Variants in SIPA1L1 observed in about 807,000 individuals in gnomAD.
SIPA1L1 encodes the protein signal induced proliferation associated 1 like 1.
A neutral mutation model predicts 162.7 loss-of-function variants in SIPA1L1; 26 were observed. The observed-to-expected ratio is 0.16, with a 90% CI of 0.12 to 0.22. SIPA1L1 has a LOEUF of 0.22. Ranked by LOEUF, SIPA1L1 falls within the 10% of genes least tolerant of loss-of-function variation. SIPA1L1 has a pLI of 1.00. For synonymous variants in SIPA1L1, 829 were observed against 837.4 expected (o/e 0.99, Z 0.17); for missense variants, 1,874 against 2,241.0 (o/e 0.84, Z 3.31).
chr14:71,644,553 T>G (rs1205262790), intron 7 of SIPA1L1, among the ~76,000 whole-genome samples: 1 of 152,252 alleles, frequency 6.6e-6, no homozygotes, highest in Non-Finnish European at 1.5e-5. Flanking sequence ...GAATCTTTTA[T>G]TCATGCATGA....
chr14:71,371,689 C>T (rs772608215), intron 2 of SIPA1L1, among the ~76,000 whole-genome samples: 3 of 152,082 alleles, frequency 2.0e-5, no homozygotes, highest in South Asian at 4.1e-4. Flanking sequence ...CCTGCAACAC[C>T]GTGCCTGGCC....
intron 2 of SIPA1L1, among the ~76,000 whole-genome samples, chr14:71,449,719 G>A (rs887563633): frequency 3.3e-5 from 5 of 152,216 alleles, no homozygotes; most frequent in African/African-American, 1.2e-4. Context: ...TTGGAGGTGA[G>A]GTGGGGGGAC....
intron 15 of SIPA1L1, chr14:71,704,715 G>C: frequency 6.2e-7 from 1 of 1,609,774 alleles, no homozygotes; most frequent in Non-Finnish European, 8.5e-7. Flanking sequence ...TTTCTGTTGT[G>C]CTCAGCTTAC....
At chr14:71,587,415 T>C (rs991908097) in intron 4 of SIPA1L1, among the ~76,000 whole-genome samples, 156 bp from the exon 5 acceptor site, 1 of 152,182 alleles carries the variant, frequency 6.6e-6, no homozygotes, top group African/African-American at 2.4e-5. Flanking sequence ...CTTTCTTCCT[T>C]TCTTTCAAAC....
intron 4 of SIPA1L1, among the ~76,000 whole-genome samples, chr14:71,552,095 T>C (rs377192458): frequency 2.6e-5 from 4 of 152,196 alleles, no homozygotes; most frequent in African/African-American, 9.6e-5. Context: ...ATGGCTTTGA[T>C]TGCTGTACCC....
Position 71,419,046 on chromosome 14 carries a change from G to A in SIPA1L1, c.-464-93697G>A, listed in dbSNP as rs117005796. ...AGTGGTATGGGTGGGCAGCCCTTCCGCCTGATATCAGCCTCTCAGAGCAGG... is the reference window on the plus strand; with the variant it reads ...AGTGGTATGGGTGGGCAGCCCTTCCACCTGATATCAGCCTCTCAGAGCAGG... On this transcript the variant is annotated intron_variant, in intron 2 of 23. Transcript: ENST00000381232. Among the ~76,000 whole-genome samples, 441 of 152,250 alleles carry A rather than the reference G, an allele frequency of 2.9e-3. 1 individual carries two copies. The highest frequency in any genetic ancestry group is 4.6e-3 in the African/African-American group (191 of 41,554).
Position 71,588,136 on chromosome 14 carries a change from A to G in SIPA1L1, c.264A>G (p.Glu88=), listed in dbSNP as rs1204226398. Residue 88 remains glutamate (E), a synonymous_variant, in exon 5 of 24, where the codon GAA becomes GAG. Transcript: ENST00000381232. This position sits in a 1 kb window ranked among gnomAD's most constrained non-coding sequence, Gnocchi z 4.3. The part of the protein sequence containing the change: ...ARIADWPPRK[E]NIKESSRSSQ... ...TTGCAGATTGGCCCCCAAGAAAGGAAAACATAAAAGAATCTAGCCGTTCAA... is the reference window on the plus strand; with the variant it reads ...TTGCAGATTGGCCCCCAAGAAAGGAGAACATAAAAGAATCTAGCCGTTCAA... 3.1e-6 allele frequency: 5 copies of G among 1,614,080 alleles called. No individual in the cohort carries two copies. The African/African-American group carries it at 6.7e-5, about 22-fold the overall frequency.
chr14:71,680,262 A>T, intron 12 of SIPA1L1, among the ~76,000 whole-genome samples: 1 of 152,236 alleles, frequency 6.6e-6, no homozygotes, highest in East Asian at 1.9e-4. Context: ...AGAACTCAGG[A>T]TTAAGAAACT....
intron 13 of SIPA1L1, among the ~76,000 whole-genome samples, chr14:71,694,857 C>T (rs2081507346): frequency 6.6e-6 from 1 of 152,228 alleles, no homozygotes; most frequent in Non-Finnish European, 1.5e-5. Flanking sequence ...CTTGCTGTAA[C>T]TTCACTGGAC....
chr14:71,708,422 T>C (rs2082637323), intron 16 of SIPA1L1, among the ~76,000 whole-genome samples: 1 of 151,702 alleles, frequency 6.6e-6, no homozygotes, highest in Non-Finnish European at 1.5e-5. Flanking sequence ...CCTCCTGGGC[T>C]CAAGCGATCC....
At chr14:71,620,494 G>T (rs1041198975) in intron 6 of SIPA1L1, among the ~76,000 whole-genome samples, 2 of 152,072 alleles carry the variant, frequency 1.3e-5, no homozygotes, top group Non-Finnish European at 2.9e-5. Flanking sequence ...TTCCTTTTCT[G>T]TGTTGTTTTT....
chr14:71,362,199 G>C (rs936392450), intron 2 of SIPA1L1, among the ~76,000 whole-genome samples: 4 of 152,202 alleles, frequency 2.6e-5, no homozygotes, highest in African/African-American at 9.7e-5. Context: ...TTAGAAATCA[G>C]CTCCACAATC....
At chr14:71,480,233 C>T (rs1001342473) in intron 2 of SIPA1L1, among the ~76,000 whole-genome samples, 3 of 151,622 alleles carry the variant, frequency 2.0e-5, no homozygotes, top group Non-Finnish European at 4.4e-5. Context: ...CAGGCGTTTG[C>T]CACCATGCCC....
At chr14:71,394,742 GAAT>G (rs965662829) in intron 2 of SIPA1L1, among the ~76,000 whole-genome samples, 1 of 152,322 alleles carries the variant, frequency 6.6e-6, no homozygotes. Flanking sequence ...GTTTGTAGTT[GAAT>G]AATGTGCCCA....
Position 71,588,748 on chromosome 14 carries a change from CTCA to C in SIPA1L1, c.879_881del (p.Ser294del). 1 of 1,614,066 alleles carries C rather than the reference CTCA, an allele frequency of 6.2e-7. No individual in the cohort carries two copies. Among genetic ancestry groups the C allele is most frequent in the Non-Finnish European group, 8.5e-7 (1 of 1,179,988 alleles). ...GACGTTCAAAATCTGAAACTGGAGA[CTCA>C]TCTATTTTTCGTAAATTGCGCAATG... On this transcript the variant is annotated inframe_deletion, in exon 5 of 24. Coordinates refer to ENST00000381232, the MANE Select transcript of SIPA1L1 (RefSeq NM_001386936.1). This position sits in a 1 kb window ranked among gnomAD's most constrained non-coding sequence, Gnocchi z 4.3.
At chr14:71,544,155 G>C (rs1046186149) in intron 4 of SIPA1L1, among the ~76,000 whole-genome samples, 1 of 150,912 alleles carries the variant, frequency 6.6e-6, no homozygotes, top group African/African-American at 2.4e-5. Context: ...ATGCACGTGT[G>C]TGTATATGTA....
intron 2 of SIPA1L1, among the ~76,000 whole-genome samples, chr14:71,438,150 A>G (rs1184070634): frequency 6.6e-6 from 1 of 152,026 alleles, no homozygotes; most frequent in Non-Finnish European, 1.5e-5. Context: ...TAAACAAAAC[A>G]AAACAAAACA....
intron 3 of SIPA1L1, among the ~76,000 whole-genome samples, chr14:71,513,567 A>G (rs944631834): frequency 2.6e-5 from 4 of 152,202 alleles, no homozygotes; most frequent in African/African-American, 9.6e-5. Context: ...AGCTCACTGT[A>G]ACCTCAAATT....
At chr14:71,451,322 G>T (rs954623102) in intron 2 of SIPA1L1, among the ~76,000 whole-genome samples, 2 of 152,020 alleles carry the variant, frequency 1.3e-5, no homozygotes, top group Non-Finnish European at 2.9e-5. Flanking sequence ...TAAATTAATA[G>T]ATAAGTTAAT....
Sources: allele counts gnomAD v4.1 joint callset (sites outside exome capture counted in the v4.1 genomes callset), GRCh38; gene constraint gnomAD v4.1.1; non-coding constraint Gnocchi (gnomAD v3.1); transcripts MANE v1.5; gene names NCBI Gene and HGNC (gene_info 2026-07-23, HGNC 2026-07-21).